Variants in AUTS2 observed in about 807,000 individuals in gnomAD.
AUTS2 encodes the protein activator of transcription and developmental regulator AUTS2, also known as autism susceptibility gene 2 protein.
A neutral mutation model predicts 112.4 loss-of-function variants in AUTS2; 17 were observed. That is an observed-to-expected ratio of 0.15 (90% confidence interval 0.10 to 0.23). The LOEUF is 0.23. AUTS2 is among the 10% of genes least tolerant of loss of function. The pLI, the probability that AUTS2 is intolerant of heterozygous loss-of-function variation, is 1.00. For synonymous variants in AUTS2, 751 were observed against 702.7 expected (o/e 1.07, Z -1.09); for missense variants, 1,510 against 1,701.6 (o/e 0.89, Z 1.98).
At chr7:70,093,412 C>T (rs918173979) in intron 2 of AUTS2, among the ~76,000 whole-genome samples, 14 of 152,128 alleles carry the variant, frequency 9.2e-5, no homozygotes, top group Admixed American at 6.5e-4. Context: ...ACCCATGGGC[C>T]TAGGCAACAT....
chr7:69,914,476 G>T (rs1795492789), intron 2 of AUTS2, among the ~76,000 whole-genome samples: 1 of 151,306 alleles, frequency 6.6e-6, no homozygotes, highest in Non-Finnish European at 1.5e-5. Context: ...ACTGATGAGC[G>T]CATGCTGCAC....
In AUTS2 at chr7:70,597,990, G is replaced by C. The variant is rs1803286390; in HGVS notation, c.691-100579G>C. On this transcript the variant is annotated intron_variant, in intron 5 of 18. Coordinates refer to ENST00000342771, the MANE Select transcript of AUTS2 (RefSeq NM_015570.4). ...GTTGCATTTCACTCCAGAAGAGACA[G>C]TGAGTGGCATGGAAGGGGCATTGCA... 2.6e-5 allele frequency among the ~76,000 whole-genome samples: 4 copies of C among 152,246 alleles called. No individual in the cohort carries two copies. The South Asian group carries it at 8.3e-4, about 31-fold the overall frequency.
intron 5 of AUTS2, among the ~76,000 whole-genome samples, chr7:70,664,272 G>T (rs1187908931): frequency 6.6e-6 from 1 of 152,238 alleles, no homozygotes; most frequent in Non-Finnish European, 1.5e-5. Flanking sequence ...AAATGATTAT[G>T]TGGTCAGCCA....
intron 4 of AUTS2, among the ~76,000 whole-genome samples, chr7:70,285,579 ATGT>A (rs1788420781): frequency 6.6e-6 from 1 of 152,176 alleles, no homozygotes; most frequent in Non-Finnish European, 1.5e-5. Context: ...GCACATATAC[ATGT>A]TGTCTTTTTT....
intron 2 of AUTS2, among the ~76,000 whole-genome samples, chr7:69,951,126 T>G (rs1797009633): frequency 6.6e-6 from 1 of 152,174 alleles, no homozygotes; most frequent in Non-Finnish European, 1.5e-5. Flanking sequence ...GATAAATATT[T>G]TATTGTAGAT....
chr7:70,619,523 C>T (rs755035853), intron 5 of AUTS2, among the ~76,000 whole-genome samples: 2 of 151,488 alleles, frequency 1.3e-5, no homozygotes, highest in East Asian at 1.9e-4. Flanking sequence ...TCCTTTCTTC[C>T]CTCTCCTCTC....
At chr7:69,828,514 G>C (rs1371233427) in intron 1 of AUTS2, among the ~76,000 whole-genome samples, 1 of 152,114 alleles carries the variant, frequency 6.6e-6, no homozygotes, top group African/African-American at 2.4e-5. Flanking sequence ...GGGACTTCTT[G>C]TTATGTGTGA....
chr7:70,456,508 G>C (rs1397925738), intron 5 of AUTS2, among the ~76,000 whole-genome samples: 1 of 152,248 alleles, frequency 6.6e-6, no homozygotes, highest in Non-Finnish European at 1.5e-5. Flanking sequence ...ATATCAGCGA[G>C]ATTTCCAGAC....
chr7:70,246,643 CTTA>C (rs1812937617), intron 4 of AUTS2, among the ~76,000 whole-genome samples: 1 of 151,922 alleles, frequency 6.6e-6, no homozygotes, highest in Admixed American at 6.6e-5. Context: ...TCCCCCACCT[CTTA>C]TTATTTTTCA....
chr7:70,604,285 C>G lies in AUTS2; in HGVS notation c.691-94284C>G, dbSNP rs527963063. 1.9e-3 allele frequency among the ~76,000 whole-genome samples: 292 copies of G among 152,296 alleles called. 2 individuals are homozygous for G. Among genetic ancestry groups the G allele is most frequent in the Non-Finnish European group, 3.1e-3 (210 of 68,024 alleles). Reference sequence around the variant, plus strand: ...TGCTCTCCTCCAGGCTGGTGATGGGCTGGGGTGGGCCGAGAGCAAAGTGTC... The same window carrying G: ...TGCTCTCCTCCAGGCTGGTGATGGGGTGGGGTGGGCCGAGAGCAAAGTGTC... On this transcript the variant is annotated intron_variant, in intron 5 of 18. Transcript: ENST00000342771.
At chr7:70,030,162 G>A (rs192893683) in intron 2 of AUTS2, among the ~76,000 whole-genome samples, 45 of 152,302 alleles carry the variant, frequency 3.0e-4, no homozygotes, top group African/African-American at 1.0e-3. Flanking sequence ...AGGAATCACA[G>A]GTGTTGTTGT....
At chr7:70,382,071 A>G (rs1451871351) in intron 4 of AUTS2, among the ~76,000 whole-genome samples, 3 of 152,180 alleles carry the variant, frequency 2.0e-5, no homozygotes, top group Non-Finnish European at 4.4e-5. Flanking sequence ...AGCAGTCCAG[A>G]CACCATTGCC....
intron 1 of AUTS2, among the ~76,000 whole-genome samples, chr7:69,779,485 C>T (rs1789050533): frequency 6.6e-6 from 1 of 151,946 alleles, no homozygotes; most frequent in Non-Finnish European, 1.5e-5. Context: ...AGATAGAAGC[C>T]AGGCGCAGTG....
chr7:69,761,550 A>G (rs2129286543), intron 1 of AUTS2, among the ~76,000 whole-genome samples: 1 of 152,166 alleles, frequency 6.6e-6, no homozygotes, highest in Non-Finnish European at 1.5e-5. Flanking sequence ...TCCTTGATCT[A>G]GTGGGGTGCA....
At chr7:70,224,321 A>G (rs183862440) in intron 4 of AUTS2, among the ~76,000 whole-genome samples, 5 of 137,820 alleles carry the variant, frequency 3.6e-5, no homozygotes, top group Admixed American at 7.5e-5. Context: ...ATACAATACA[A>G]TACAGTACAG....
At chr7:70,294,219 G>C (rs2129612412) in intron 4 of AUTS2, 1 of 152,314 alleles carries the variant, frequency 6.6e-6, no homozygotes, top group East Asian at 1.9e-4. Context: ...TTATTATGCT[G>C]TAATTGTTAC....
intron 2 of AUTS2, among the ~76,000 whole-genome samples, chr7:70,078,677 C>G (rs1288463203): frequency 6.6e-6 from 1 of 152,152 alleles, no homozygotes; most frequent in Non-Finnish European, 1.5e-5. Context: ...CCTTCACTAT[C>G]AATCCCCCCA....
At chr7:70,625,047 T>A (rs1203191462) in intron 5 of AUTS2, among the ~76,000 whole-genome samples, 1 of 152,140 alleles carries the variant, frequency 6.6e-6, no homozygotes, top group African/African-American at 2.4e-5. Context: ...TTGCCTCCTA[T>A]GTTCTTGGGA....
chr7:70,619,135 C>G (rs541634631), intron 5 of AUTS2, among the ~76,000 whole-genome samples: 6 of 152,276 alleles, frequency 3.9e-5, no homozygotes, highest in South Asian at 2.1e-4. Flanking sequence ...CCTTCCCCCC[C>G]TCCCCATCCC....
Sources: gnomAD v4.1 joint callset for allele counts (sites outside exome capture counted in the v4.1 genomes callset) on GRCh38, gnomAD v4.1.1 for gene constraint, MANE v1.5 for transcripts, NCBI Gene and HGNC (gene_info 2026-07-23, HGNC 2026-07-21) for gene names.